MEF2C: variants seen among roughly 807,000 people sequenced by gnomAD.
MEF2C encodes the protein myocyte-specific enhancer factor 2C.
MEF2C carries 6 observed loss-of-function variants against 50.5 expected under a neutral mutation model. That is an observed-to-expected ratio of 0.12 (90% CI 0.07 to 0.23). MEF2C has a LOEUF of 0.23. Among genes scored for constraint, MEF2C ranks in the 10% least tolerant of loss-of-function variants. The pLI, the probability that MEF2C is intolerant of heterozygous loss-of-function variation, is 1.00. For missense variants in MEF2C, 276 were observed against 605.0 expected, an observed-to-expected ratio of 0.46 and a Z score of 5.70; for synonymous variants, 183 against 228.0, an observed-to-expected ratio of 0.80 and a Z score of 1.78.
At position 88,730,156 on chromosome 5, in the gene MEF2C, C is replaced by T. The variant is rs1760821003; in HGVS notation, c.834+55G>A. On this transcript the variant is annotated intron_variant, in intron 8 of 10. Transcript: ENST00000504921. ...TCCAATTTTATCAAAGCTACCACCT[C>T]TACCTAAAAGTAGCTTTGCACATGC... The T allele has an allele frequency of 2.6e-6, 4 of 1,545,700 alleles. No individual in the cohort carries two copies. In the Admixed American group the frequency reaches 7.8e-5, roughly 30 times the overall value.
chr5:88,814,311 T>G (rs541348782), intron 2 of MEF2C, among the ~76,000 whole-genome samples: 9 of 123,606 alleles, frequency 7.3e-5, no homozygotes, highest in Non-Finnish European at 1.6e-4. Flanking sequence ...GAGGAAGCAG[T>G]GCCTCTGCAG....
At chr5:88,844,589 T>C (rs1197179651) in intron 1 of MEF2C, 3 of 778,008 alleles carry the variant, frequency 3.9e-6, no homozygotes, top group Non-Finnish European at 4.7e-6. Context: ...GAAAATATAC[T>C]GCTATTTGTA....
At chr5:88,784,772 T>A (rs1790008788) in intron 3 of MEF2C, among the ~76,000 whole-genome samples, 1 of 152,216 alleles carries the variant, frequency 6.6e-6, no homozygotes. Flanking sequence ...GTCCCTGGAA[T>A]ACAGCTCTAA....
intron 4 of MEF2C, among the ~76,000 whole-genome samples, chr5:88,756,448 A>G (rs1775358690): frequency 6.6e-6 from 1 of 152,346 alleles, no homozygotes; most frequent in Middle Eastern, 3.4e-3. Flanking sequence ...ACTATCTATA[A>G]TAATTTTGAA....
intron 1 of MEF2C, among the ~76,000 whole-genome samples, chr5:88,890,897 G>T (rs1834467509): frequency 6.6e-6 from 1 of 152,138 alleles, no homozygotes. Flanking sequence ...CATAAATTTG[G>T]AAAGAAGATA....
intron 6 of MEF2C, among the ~76,000 whole-genome samples, chr5:88,748,626 T>C (rs769350352): frequency 4.6e-5 from 7 of 152,226 alleles, no homozygotes; most frequent in Non-Finnish European, 8.8e-5. Context: ...AACAGTATTG[T>C]TGAATAATTA....
intron 3 of MEF2C, chr5:88,772,889 C>T (rs1421467188): frequency 2.0e-6 from 2 of 985,362 alleles, no homozygotes; most frequent in Non-Finnish European, 2.4e-6. Flanking sequence ...AACAAACACA[C>T]TTAGATGCTA....
At chr5:88,817,224 C>A (rs1454921902) in intron 2 of MEF2C, among the ~76,000 whole-genome samples, 1 of 151,892 alleles carries the variant, frequency 6.6e-6, no homozygotes, top group East Asian at 1.9e-4. Context: ...AGATGTAACT[C>A]CCAAATTTAG....
chr5:88,739,196 T>C lies in MEF2C; in HGVS notation c.638-7295A>G, dbSNP rs537889394. On this transcript the variant is annotated intron_variant, in intron 6 of 10. Coordinates refer to ENST00000504921, the MANE Select transcript of MEF2C (RefSeq NM_002397.5). ...CTAATATATAAATGTATAAAAATAATTTTGTTTAGTAATTTGTTAATAGTA... is the reference window on the plus strand; with the variant it reads ...CTAATATATAAATGTATAAAAATAACTTTGTTTAGTAATTTGTTAATAGTA... The C allele has an allele frequency of 6.1e-6, 6 of 976,830 alleles. No individual in the cohort carries two copies. In the South Asian group the frequency reaches 2.4e-4, roughly 39 times the overall value. The allele number at this position is 976,830 out of a possible 1,614,324, so 60.5% of individuals were successfully genotyped here. A position where few individuals can be genotyped will look rare whatever the true frequency, so the allele number is the denominator to read the frequency against.
At chr5:88,871,952 TA>T (rs962290971) in intron 1 of MEF2C, among the ~76,000 whole-genome samples, 1 of 152,108 alleles carries the variant, frequency 6.6e-6, no homozygotes, top group African/African-American at 2.4e-5. Context: ...TCTTTTCAAA[TA>T]AAAAATGCAT....
At chr5:88,731,543 G>A (rs998924926) in intron 7 of MEF2C, 186 bp downstream of exon 7, 22 of 548,804 alleles carry the variant, frequency 4.0e-5, no homozygotes, top group African/African-American at 1.5e-4. Context: ...TTTTTTACAC[G>A]GAAAAGGGAA....
chr5:88,789,250 T>C (rs1183218994), intron 3 of MEF2C, among the ~76,000 whole-genome samples: 1 of 151,958 alleles, frequency 6.6e-6, no homozygotes, highest in Non-Finnish European at 1.5e-5. Flanking sequence ...CACTGGAGCC[T>C]CAACCTCTCA....
chr5:88,727,285 A>T (rs375362975), intron 10 of MEF2C, among the ~76,000 whole-genome samples: 1 of 152,190 alleles, frequency 6.6e-6, no homozygotes, highest in Admixed American at 6.5e-5. Context: ...GCTGACCAAC[A>T]GTATCACGTG....
At chr5:88,788,543 A>G (rs1792183798) in intron 3 of MEF2C, among the ~76,000 whole-genome samples, 1 of 152,060 alleles carries the variant, frequency 6.6e-6, no homozygotes, top group South Asian at 2.1e-4. Flanking sequence ...AGAACACTAG[A>G]TGCACCAGTT....
intron 6 of MEF2C, chr5:88,736,836 C>T: frequency 1.0e-6 from 1 of 985,332 alleles, no homozygotes; most frequent in Non-Finnish European, 1.2e-6. Context: ...GCCTTATGGT[C>T]CTCGGAATAT....
At chr5:88,872,188 A>T (rs567116279) in intron 1 of MEF2C, among the ~76,000 whole-genome samples, 8 of 152,088 alleles carry the variant, frequency 5.3e-5, no homozygotes, top group African/African-American at 1.9e-4. Flanking sequence ...AACACCTAGA[A>T]CTCTTGGCGA....
At chr5:88,755,836 C>T (rs1015327600) in intron 4 of MEF2C, among the ~76,000 whole-genome samples, 3 of 152,196 alleles carry the variant, frequency 2.0e-5, no homozygotes, top group Non-Finnish European at 2.9e-5. Context: ...ATTATATGCA[C>T]ATCCAAAATA....
At chr5:88,780,607 G>A (rs963254483) in intron 3 of MEF2C, 6 of 262,814 alleles carry the variant, frequency 2.3e-5, no homozygotes, top group Admixed American at 1.3e-4. Flanking sequence ...TCACTGCCAT[G>A]AAAATACTGC....
intron 1 of MEF2C, among the ~76,000 whole-genome samples, chr5:88,892,611 T>C (rs1834712367): frequency 6.6e-6 from 1 of 152,200 alleles, no homozygotes; most frequent in Non-Finnish European, 1.5e-5. Context: ...ATACCATGAC[T>C]TAAGTGTACA....
Sources: allele counts gnomAD v4.1 joint callset (sites outside exome capture counted in the v4.1 genomes callset), GRCh38; gene constraint gnomAD v4.1.1; transcripts MANE v1.5; gene names NCBI Gene and HGNC (gene_info 2026-07-23, HGNC 2026-07-21).